Variants in ICMT observed in about 807,000 individuals in gnomAD.
ICMT encodes the protein protein-S-isoprenylcysteine O-methyltransferase.
A neutral mutation model predicts 32.2 loss-of-function variants in ICMT; 10 were observed. The ratio of observed to expected loss-of-function variants is 0.31; its 90% CI spans 0.19 to 0.53. The LOEUF is 0.53. Ranked by LOEUF, ICMT falls within the 20% of genes least tolerant of loss-of-function variation. The pLI is 0.96. For synonymous variants in ICMT, 183 were observed against 158.2 expected (o/e 1.16, Z -1.18); for missense variants, 265 against 356.9 (o/e 0.74, Z 2.07).
At chr1:6,234,829 G>C in intron 2 of ICMT, 57 bp downstream of exon 2, 1 of 1,264,414 alleles carries the variant, frequency 7.9e-7, no homozygotes, top group Admixed American at 1.7e-5. Context: ...TGCCGCTACA[G>C]ACCCTCTGAT....
At chr1:6,232,165 G>A in intron 3 of ICMT, 46 bp from the exon 4 acceptor site, 1 of 1,447,296 alleles carries the variant, frequency 6.9e-7, no homozygotes, top group South Asian at 1.2e-5. Flanking sequence ...GAAAACACTG[G>A]CCTGAGCTCC....
intron 2 of ICMT, 45 bp from the exon 3 acceptor site, chr1:6,233,688 A>G: frequency 3.2e-6 from 5 of 1,547,678 alleles, no homozygotes; most frequent in Non-Finnish European, 4.4e-6. Flanking sequence ...AAGAGAACCA[A>G]GTTAACCATA....
At chr1:6,234,826 A>G in intron 2 of ICMT, 60 bp downstream of exon 2, 5 of 1,249,518 alleles carry the variant, frequency 4.0e-6, no homozygotes, top group South Asian at 1.2e-5. Context: ...AAATGCCGCT[A>G]CAGACCCTCT....
At position 6,224,819 on chromosome 1, in the gene ICMT, G is replaced by A. The variant is rs1293195918; in HGVS notation, c.*261C>T. ...CGGTCCTCCCCAGGTAACTCTGGAG[G>A]GCGCTGTGGAATATTGCTGTGATTT... On this transcript the variant is annotated 3_prime_UTR_variant, in exon 5 of 5. Coordinates refer to ENST00000343813, the MANE Select transcript of ICMT (RefSeq NM_012405.4). The A allele has an allele frequency of 2.4e-6, 1 of 417,384 alleles. No individual in the cohort carries two copies. The highest frequency in any genetic ancestry group is 4.3e-6 in the Non-Finnish European group (1 of 234,372). The allele number at this position is 417,384 out of a possible 1,614,324, so 25.9% of individuals were successfully genotyped here.
In ICMT at chr1:6,224,946, T is replaced by TA; in HGVS notation, c.*133_*134insT. The TA allele has an allele frequency of 1.2e-6, 1 of 852,252 alleles. No individual in the cohort carries two copies. The highest frequency in any genetic ancestry group is 1.8e-6 in the Non-Finnish European group (1 of 541,052). The allele number at this position is 852,252 out of a possible 1,614,324, so 52.8% of individuals were successfully genotyped here. A position where few individuals can be genotyped will look rare whatever the true frequency, so the allele number is the denominator to read the frequency against. On this transcript the variant is annotated 3_prime_UTR_variant, in exon 5 of 5. Transcript: ENST00000343813. ...CTCAGGCCTTCTGACCGCTTGGTCT[T>TA]GAGTGACATTCCAGAAGAGTGACTA...
In ICMT at chr1:6,224,450, C is replaced by T. The variant is rs950168242; in HGVS notation, c.*630G>A. The T allele has an allele frequency of 2.0e-5, 3 of 152,164 alleles. No individual in the cohort carries two copies. Among genetic ancestry groups the T allele is most frequent in the Non-Finnish European group, 4.4e-5 (3 of 68,052 alleles). 9.4% of individuals were successfully genotyped at this position (152,164 alleles called of 1,614,324 possible). On this transcript the variant is annotated 3_prime_UTR_variant, in exon 5 of 5. Transcript: ENST00000343813. ...GCAGGATAAAAGTTGAACTAGAACA[C>T]CAAGCATTGAGCTAGGAATACCCCT...
chr1:6,227,951 T>A (rs1668670994), intron 4 of ICMT, among the ~76,000 whole-genome samples: 1 of 152,030 alleles, frequency 6.6e-6, no homozygotes, highest in Non-Finnish European at 1.5e-5. Flanking sequence ...GAGGACTGCT[T>A]GAGCCCAGGA....
At chr1:6,233,447 C>G in intron 3 of ICMT, 27 bp downstream of exon 3, 1 of 1,601,258 alleles carries the variant, frequency 6.2e-7, no homozygotes, top group East Asian at 2.2e-5. Context: ...CTTTTCCCCT[C>G]CAGAGGGGGA....
At chr1:6,229,783 TACACACACACACACACACACACAC>T (rs34741419) in intron 4 of ICMT, among the ~76,000 whole-genome samples, 7 of 146,592 alleles carry the variant, frequency 4.8e-5, no homozygotes, top group South Asian at 2.2e-4. Context: ...ATAAAAAAAA[TACACACACACACACACACACACAC>T]ACACACACAC....
intron 1 of ICMT, 97 bp from the exon 2 acceptor site, chr1:6,235,071 G>C: frequency 1.1e-6 from 1 of 907,184 alleles, no homozygotes; most frequent in Non-Finnish European, 1.8e-6. Context: ...CAGGCAAGCA[G>C]ATAGAGCCGA....
intron 4 of ICMT, among the ~76,000 whole-genome samples, chr1:6,228,028 G>T (rs1668672128): frequency 6.6e-6 from 1 of 152,172 alleles, no homozygotes; most frequent in Admixed American, 6.5e-5. Context: ...AGCTGGGCAT[G>T]GTGGTGCACA....
At chr1:6,235,680 GC>G in intron 1 of ICMT, 36 bp downstream of exon 1, 1 of 1,146,706 alleles carries the variant, frequency 8.7e-7, no homozygotes, top group Middle Eastern at 3.6e-4. Context: ...ACCGCCGCCC[GC>G]CCCGCCGGCC....
At chr1:6,225,886 T>C (rs549490831) in intron 4 of ICMT, among the ~76,000 whole-genome samples, 3 of 151,668 alleles carry the variant, frequency 2.0e-5, no homozygotes, top group Non-Finnish European at 2.9e-5. Flanking sequence ...CCGAGACAGA[T>C]TGTCACTCTG....
chr1:6,235,240 G>C (rs1668802386), intron 1 of ICMT, among the ~76,000 whole-genome samples: 3 of 152,172 alleles, frequency 2.0e-5, no homozygotes, highest in Admixed American at 1.3e-4. Flanking sequence ...ACTGCAGTAA[G>C]GATTACCCAC....
chr1:6,229,621 C>T (rs1441983945), intron 4 of ICMT, among the ~76,000 whole-genome samples: 1 of 151,742 alleles, frequency 6.6e-6, no homozygotes, highest in Non-Finnish European at 1.5e-5. Flanking sequence ...ATTGTGACAC[C>T]GCACTCCAGC....
In ICMT at chr1:6,225,765, G is replaced by A. The variant is rs542749693; in HGVS notation, c.673-503C>T. 9.9e-5 allele frequency among the ~76,000 whole-genome samples: 15 copies of A among 151,200 alleles called. No homozygotes were observed. The South Asian group carries it at 3.1e-3, about 32-fold the overall frequency. ...CCACGCTCAGAGAGCTCCAGAGACTGAACCCCACCCCCTGAGTCTGGGTTT... is the reference window on the plus strand; with the variant it reads ...CCACGCTCAGAGAGCTCCAGAGACTAAACCCCACCCCCTGAGTCTGGGTTT... On this transcript the variant is annotated intron_variant, in intron 4 of 4. Coordinates refer to ENST00000343813, the MANE Select transcript of ICMT (RefSeq NM_012405.4).
At position 6,235,738 on chromosome 1, in the gene ICMT, G is replaced by GAGC. The variant is rs749914970; in HGVS notation, c.171_173dup (p.Leu58dup). 3.8e-6 allele frequency: 5 copies of GAGC among 1,322,408 alleles called. No homozygotes were observed. The highest frequency in any genetic ancestry group is 4.9e-6 in the Non-Finnish European group (5 of 1,026,588). The allele number at this position is 1,322,408 out of a possible 1,614,324, so 81.9% of individuals were successfully genotyped here. On this transcript the variant is annotated inframe_insertion, in exon 1 of 5. Coordinates refer to ENST00000343813, the MANE Select transcript of ICMT (RefSeq NM_012405.4). ...GCACCTGGTAGCGAGGCGGCCGATA[G>GAGC]AGCAGCAGCAGCAGCGCGTTGAGCC...
chr1:6,233,758 C>T, intron 2 of ICMT, 115 bp from the exon 3 acceptor site: 1 of 788,270 alleles, frequency 1.3e-6, no homozygotes, highest in South Asian at 1.9e-5. Context: ...TCTCACCTGT[C>T]TGAGAGTGGA....
rs1668604964 is a variant in ICMT at position 6,224,192 on chromosome 1, C to G, written c.*888G>C. The G allele has an allele frequency of 6.6e-6, 1 of 152,048 alleles. No homozygotes were observed. The highest frequency in any genetic ancestry group is 1.5e-5 in the Non-Finnish European group (1 of 68,022). 9.4% of individuals were successfully genotyped at this position (152,048 alleles called of 1,614,324 possible). Reference sequence around the variant, plus strand: ...GCTATGGTAAAATGAGAATCAAATCCCAAATAAACGGAGAGCAGCACTTCT... The same window carrying G: ...GCTATGGTAAAATGAGAATCAAATCGCAAATAAACGGAGAGCAGCACTTCT... On this transcript the variant is annotated 3_prime_UTR_variant, in exon 5 of 5. Coordinates refer to ENST00000343813, the MANE Select transcript of ICMT (RefSeq NM_012405.4).
Sources: allele counts gnomAD v4.1 joint callset (sites outside exome capture counted in the v4.1 genomes callset), GRCh38; gene constraint gnomAD v4.1.1; transcripts MANE v1.5; gene names NCBI Gene and HGNC (gene_info 2026-07-23, HGNC 2026-07-21).